The following ZNF385B variants were observed in gnomAD, a reference collection of about 807,000 sequenced individuals.
ZNF385B encodes the protein zinc finger protein 385B.
Under a neutral mutation model 39.2 loss-of-function variants are expected in ZNF385B, and 23 were observed. The ratio of observed to expected loss-of-function variants is 0.59; its 90% CI spans 0.42 to 0.83. The LOEUF (loss-of-function observed/expected upper bound fraction) is 0.83. ZNF385B is among the 40% of genes least tolerant of loss of function. The pLI, the probability that ZNF385B is intolerant of heterozygous loss-of-function variation, is 0.00. For missense variants in ZNF385B, 552 were observed against 598.9 expected, an observed-to-expected ratio of 0.92 and a Z score of 0.82; for synonymous variants, 205 against 222.6, an observed-to-expected ratio of 0.92 and a Z score of 0.70.
At chr2:179,477,690 C>G (rs1204582575) in intron 6 of ZNF385B, among the ~76,000 whole-genome samples, 1 of 152,108 alleles carries the variant, frequency 6.6e-6, no homozygotes, top group East Asian at 1.9e-4. Context: ...GTACATTTGG[C>G]TCTAGACATG....
chr2:179,443,196 T>A lies in ZNF385B; in HGVS notation c.*54A>T. 3 of 1,602,484 alleles carry A rather than the reference T, an allele frequency of 1.9e-6. No individual in the cohort carries two copies. Among genetic ancestry groups the A allele is most frequent in the Non-Finnish European group, 1.7e-6 (2 of 1,171,860 alleles). On this transcript the variant is annotated 3_prime_UTR_variant, in exon 10 of 10. Coordinates refer to ENST00000410066, the MANE Select transcript of ZNF385B (RefSeq NM_152520.6). ...AACTGCTTAAATTGCTGAATCCTTGTGGCTTTCTTTCTCAACTTCCTACTG... is the reference window on the plus strand; with the variant it reads ...AACTGCTTAAATTGCTGAATCCTTGAGGCTTTCTTTCTCAACTTCCTACTG...
chr2:179,739,914 G>A (rs973074881), intron 3 of ZNF385B, among the ~76,000 whole-genome samples: 10 of 151,874 alleles, frequency 6.6e-5, no homozygotes, highest in African/African-American at 1.9e-4. Context: ...AAGTAGCTAC[G>A]TACTTAAATT....
At chr2:179,455,879 CAAAA>C (rs58336646) in intron 6 of ZNF385B, among the ~76,000 whole-genome samples, 45,950 of 123,972 alleles carry the variant, frequency 0.37, 7,668 homozygotes, top group African/African-American at 0.44. Context: ...GACTGCATCT[CAAAA>C]AAAAAAAAAA....
intron 3 of ZNF385B, among the ~76,000 whole-genome samples, chr2:179,595,530 G>A (rs1687922684): frequency 6.6e-6 from 1 of 152,062 alleles, no homozygotes; most frequent in African/African-American, 2.4e-5. Flanking sequence ...GGCAGCAGCT[G>A]CAGCTCTTTG....
rs114632301 is a variant in ZNF385B, at chr2:179,524,703, T to G, written c.442-6065A>C. Reference sequence around the variant, plus strand: ...CAAAAAAGGGCATAATTTAAAAAGTTAAAAAGTGAAAAAGGTAGTACAAAC... The same window carrying G: ...CAAAAAAGGGCATAATTTAAAAAGTGAAAAAGTGAAAAAGGTAGTACAAAC... On this transcript the variant is annotated intron_variant, in intron 4 of 9. Coordinates refer to ENST00000410066, the MANE Select transcript of ZNF385B (RefSeq NM_152520.6). 6.2e-3 allele frequency among the ~76,000 whole-genome samples: 941 copies of G among 151,704 alleles called. 4 individuals carry two copies. Among genetic ancestry groups the G allele is most frequent in the African/African-American group, 0.021 (868 of 41,290 alleles).
At chr2:179,640,350 T>G (rs1308822730) in intron 3 of ZNF385B, among the ~76,000 whole-genome samples, 1 of 151,932 alleles carries the variant, frequency 6.6e-6, no homozygotes, top group Non-Finnish European at 1.5e-5. Context: ...GCTGAAGAAT[T>G]TGGGAGTGAA....
At chr2:179,508,664 G>C (rs1044914812) in intron 5 of ZNF385B, among the ~76,000 whole-genome samples, 3 of 152,292 alleles carry the variant, frequency 2.0e-5, no homozygotes, top group African/African-American at 7.2e-5. Context: ...TTTCGATGGT[G>C]AATCATGGAT....
intron 3 of ZNF385B, among the ~76,000 whole-genome samples, chr2:179,697,961 T>C (rs550797739): frequency 7.6e-4 from 116 of 152,280 alleles, no homozygotes; most frequent in African/African-American, 2.6e-3. Flanking sequence ...AAACACCGCA[T>C]GTTCTCACTC....
chr2:179,756,536 G>GAC (rs1703032817), intron 3 of ZNF385B, among the ~76,000 whole-genome samples: 1 of 152,154 alleles, frequency 6.6e-6, no homozygotes, highest in African/African-American at 2.4e-5. Flanking sequence ...GCCTTGCTAG[G>GAC]TTGGGGAAGT....
At chr2:179,776,240 C>G (rs370153067) in intron 1 of ZNF385B, among the ~76,000 whole-genome samples, 157 of 152,256 alleles carry the variant, frequency 1.0e-3, no homozygotes, top group African/African-American at 3.7e-3. Context: ...GTCAGTCTTA[C>G]CAGAAGATTG....
chr2:179,485,621 T>G (rs758690534), intron 5 of ZNF385B, among the ~76,000 whole-genome samples: 12 of 152,196 alleles, frequency 7.9e-5, no homozygotes, highest in Non-Finnish European at 1.2e-4. Flanking sequence ...TTATAGATGA[T>G]ATAGTCACAA....
Position 179,681,063 on chromosome 2 carries a change from CTA to C in ZNF385B, c.298+88438_298+88439del, listed in dbSNP as rs1357658629. Among the ~76,000 whole-genome samples the C allele has an allele frequency of 4.1e-5, 6 of 147,870 alleles. No individual in the cohort carries two copies. The Admixed American group carries it at 4.1e-4, about 10-fold the overall frequency. On this transcript the variant is annotated intron_variant, in intron 3 of 9. Coordinates refer to ENST00000410066, the MANE Select transcript of ZNF385B (RefSeq NM_152520.6). Reference sequence around the variant, plus strand: ...ATAATGTGAGACCAGAATAAATTATCTATGACTTAAACAACTGTTTTTTTTTT... The same window carrying C: ...ATAATGTGAGACCAGAATAAATTATCTGACTTAAACAACTGTTTTTTTTTT...
At chr2:179,715,215 C>T (rs1559122870) in intron 3 of ZNF385B, among the ~76,000 whole-genome samples, 2 of 151,848 alleles carry the variant, frequency 1.3e-5, no homozygotes, top group Non-Finnish European at 1.5e-5. Flanking sequence ...AAATCCTATA[C>T]TCTTAGTACT....
intron 4 of ZNF385B, among the ~76,000 whole-genome samples, chr2:179,538,500 A>G (rs1349748742): frequency 6.6e-6 from 1 of 152,152 alleles, no homozygotes; most frequent in African/African-American, 2.4e-5. Flanking sequence ...TATTATTTAT[A>G]CTACAAGAAA....
chr2:179,707,519 C>T (rs539777468), intron 3 of ZNF385B, among the ~76,000 whole-genome samples: 4 of 152,338 alleles, frequency 2.6e-5, no homozygotes, highest in African/African-American at 9.6e-5. Context: ...ATGAAGCATG[C>T]TATCTATGCT....
At chr2:179,854,514 C>T (rs1399610673) in intron 1 of ZNF385B, among the ~76,000 whole-genome samples, 1 of 151,498 alleles carries the variant, frequency 6.6e-6, no homozygotes, top group African/African-American at 2.4e-5. Flanking sequence ...CAACCTATTT[C>T]ACAGGAATAG....
intron 3 of ZNF385B, among the ~76,000 whole-genome samples, chr2:179,754,083 T>C (rs995764367): frequency 2.6e-5 from 4 of 152,140 alleles, no homozygotes; most frequent in African/African-American, 9.7e-5. Context: ...CATAAATAGC[T>C]CTTATTATTT....
chr2:179,518,698 G>C, intron 4 of ZNF385B, 60 bp from the exon 5 acceptor site: 13 of 1,000,504 alleles, frequency 1.3e-5, no homozygotes, highest in Non-Finnish European at 1.8e-5. Context: ...AACAGTGTGA[G>C]CAAATAACAG....
At chr2:179,785,251 C>G (rs753863431) in intron 1 of ZNF385B, among the ~76,000 whole-genome samples, 8 of 152,054 alleles carry the variant, frequency 5.3e-5, no homozygotes, top group Non-Finnish European at 1.0e-4. Context: ...GAAGTAAGCA[C>G]AAAGCAGACT....
Sources: gnomAD v4.1 joint callset for allele counts (sites outside exome capture counted in the v4.1 genomes callset) on GRCh38, gnomAD v4.1.1 for gene constraint, MANE v1.5 for transcripts, NCBI Gene and HGNC (gene_info 2026-07-23, HGNC 2026-07-21) for gene names.